SMYD4: variants seen among roughly 807,000 people sequenced by gnomAD.
SMYD4 encodes the protein protein-lysine N-methyltransferase SMYD4.
In SMYD4, 68 loss-of-function variants were observed where a neutral mutation model predicts 72.8. That is an observed-to-expected ratio of 0.93 (90% CI 0.77 to 1.14). The LOEUF is 1.14. Ranked by LOEUF, SMYD4 falls within the 50% of genes most tolerant of loss-of-function variation. The probability of loss-of-function intolerance (pLI) is 0.00; values close to 1 mark genes in which losing one functional copy is unlikely to be tolerated. For synonymous variants in SMYD4, 407 were observed against 388.6 expected (o/e 1.05, Z -0.56); for missense variants, 984 against 1,003.7 (o/e 0.98, Z 0.27).
In SMYD4 at chr17:1,800,142, A is replaced by G; in HGVS notation, c.1252T>C (p.Tyr418His). The change falls in exon 5 of 11, where the codon TAT becomes CAT. Residue 418 changes from tyrosine to histidine, a missense_variant. Physicochemically the swap from Tyr to His is moderately conservative, Grantham distance 83. Coordinates refer to ENST00000305513, the MANE Select transcript of SMYD4 (RefSeq NM_052928.3). ...AAGACAGCATTATAATTATTTTCAT[A>G]CTTCCCATTAATATCGCATCCAGGA... is the stretch of plus-strand genomic sequence containing the variant. ...PIPGCDINGKYENNYNAVFNL... is the reference protein window; with the variant it reads ...PIPGCDINGKHENNYNAVFNL... The G allele has an allele frequency of 6.2e-7, 1 of 1,610,702 alleles. No individual in the cohort carries two copies. Among genetic ancestry groups the G allele is most frequent in the Non-Finnish European group, 8.5e-7 (1 of 1,178,076 alleles).
In SMYD4 at chr17:1,787,459, C is replaced by T. The variant is rs1319276583; in HGVS notation, c.1683G>A (p.Gln561=). 6 of 1,562,978 alleles carry T rather than the reference C, an allele frequency of 3.8e-6. No homozygotes were observed. The highest frequency in any genetic ancestry group is 2.7e-5 in the African/African-American group (2 of 73,876). ...ISTVATIRAS[Q]RIRKGQEILH... ...GAATCTCTTGCCCCTTTCTAATCCG[C>T]TGTGACGCCCGGATGGTGGCGACAG... Residue 561 remains glutamine (Q), a synonymous_variant, in exon 6 of 11, where the codon CAG becomes CAA. Transcript: ENST00000305513.
chr17:1,798,853 TGCGCCACTGCACTCCA>T (rs1909545160), intron 5 of SMYD4, among the ~76,000 whole-genome samples: 1 of 151,338 alleles, frequency 6.6e-6, no homozygotes, highest in South Asian at 2.1e-4. Flanking sequence ...GAGCTGAGAT[TGCGCCACTGCACTCCA>T]GCCTGGGAAA....
chr17:1,812,804 C>T (rs945553304), intron 2 of SMYD4, among the ~76,000 whole-genome samples: 2 of 152,158 alleles, frequency 1.3e-5, no homozygotes, highest in Admixed American at 6.6e-5. Flanking sequence ...CTGCCTCACC[C>T]TCCCAAAGTG....
intron 2 of SMYD4, among the ~76,000 whole-genome samples, chr17:1,821,930 C>CAA (rs59561167): frequency 2.3e-5 from 3 of 131,664 alleles, no homozygotes; most frequent in African/African-American, 8.4e-5. Flanking sequence ...GATTCTGTCT[C>CAA]AAAAAAAAAA....
chr17:1,817,916 G>A (rs867205441), intron 2 of SMYD4, among the ~76,000 whole-genome samples: 3 of 151,886 alleles, frequency 2.0e-5, no homozygotes, highest in African/African-American at 4.8e-5. Flanking sequence ...GCGTGGTGGC[G>A]GGTGCCTGTA....
intron 5 of SMYD4, among the ~76,000 whole-genome samples, chr17:1,793,616 C>T (rs1480194912): frequency 1.3e-5 from 2 of 151,934 alleles, no homozygotes; most frequent in African/African-American, 4.8e-5. Context: ...AGCCCAGATT[C>T]AAGGAGAGGG....
chr17:1,801,026 T>C lies in SMYD4; in HGVS notation c.370-2A>G, dbSNP rs1909720283. The C allele has an allele frequency of 6.3e-7, 1 of 1,586,624 alleles. No homozygotes were observed. The highest frequency in any genetic ancestry group is 8.6e-7 in the Non-Finnish European group (1 of 1,161,144). On this transcript the variant is annotated splice_acceptor_variant, in intron 4 of 10. Coordinates refer to ENST00000305513, the MANE Select transcript of SMYD4 (RefSeq NM_052928.3). LOFTEE classifies it high-confidence loss of function. ...TCTGTTAATGTCTTTAAGACACGTC[T>C]GAAAACAGAAAGAAAATCCCACAAT...
At chr17:1,817,086 C>T (rs575879520) in intron 2 of SMYD4, among the ~76,000 whole-genome samples, 1 of 151,542 alleles carries the variant, frequency 6.6e-6, no homozygotes, top group East Asian at 1.9e-4. Flanking sequence ...ACTCTGTCGC[C>T]CAGGCAGAAG....
rs1394244018 is a variant in SMYD4 at position 1,794,053 on chromosome 17, G to GTATATATA, written c.1537+5803_1537+5804insTATATATA. The stretch of plus-strand genomic sequence containing the variant: ...TATATATATGTATGTATATATATAT[G>GTATATATA]TGTGTATATATATGTGTATATATAT... On this transcript the variant is annotated intron_variant, in intron 5 of 10. Transcript: ENST00000305513. Among the ~76,000 whole-genome samples the GTATATATA allele has an allele frequency of 3.9e-3, 182 of 47,018 alleles. 6 individuals are homozygous for GTATATATA. Among genetic ancestry groups the GTATATATA allele is most frequent in the African/African-American group, 0.012 (172 of 14,366 alleles). 30.8% of individuals were successfully genotyped at this position (47,018 alleles called of 152,430 possible). A position where few individuals can be genotyped will look rare whatever the true frequency, so the allele number is the denominator to read the frequency against.
rs1911445342 is a variant in SMYD4 at position 1,829,869 on chromosome 17, C to G, written c.-156G>C. 2.8e-6 allele frequency: 1 copy of G among 361,906 alleles called. No homozygotes were observed. Among genetic ancestry groups the G allele is most frequent in the Non-Finnish European group, 4.7e-6 (1 of 211,378 alleles). 22.4% of individuals were successfully genotyped at this position (361,906 alleles called of 1,614,324 possible). On this transcript the variant is annotated 5_prime_UTR_variant, in exon 1 of 11. Coordinates refer to ENST00000305513, the MANE Select transcript of SMYD4 (RefSeq NM_052928.3). ...CCGCTCCGCCCCGCACCGCGTCCGG[C>G]GTCCCGCGCCAGGCCTCGCTTGGGA...
chr17:1,826,491 C>CAAAAAAAAAAAAAAAAAAAAAAAA (rs111636314), intron 2 of SMYD4, among the ~76,000 whole-genome samples: 3 of 103,054 alleles, frequency 2.9e-5, no homozygotes, highest in Non-Finnish European at 4.0e-5. Flanking sequence ...AAACTCTGTC[C>CAAAAAAAAAAAAAAAAAAAAAAAA]AAAAAAAAAA....
chr17:1,807,703 A>G (rs1910117030), intron 3 of SMYD4, among the ~76,000 whole-genome samples: 1 of 152,144 alleles, frequency 6.6e-6, no homozygotes, highest in African/African-American at 2.4e-5. Flanking sequence ...TGACCTTTAA[A>G]TTATTACTGT....
chr17:1,806,951 G>A (rs1172637815), intron 3 of SMYD4, among the ~76,000 whole-genome samples: 1 of 150,326 alleles, frequency 6.7e-6, no homozygotes, highest in African/African-American at 2.4e-5. Context: ...AGTGCAGTGG[G>A]GTGATCTCAG....
Position 1,822,820 on chromosome 17 carries a change from T to C in SMYD4, c.134+5041A>G, listed in dbSNP as rs949113017. 2.6e-5 allele frequency among the ~76,000 whole-genome samples: 4 copies of C among 152,170 alleles called. No homozygotes were observed. The South Asian group carries it at 6.2e-4, about 24-fold the overall frequency. On this transcript the variant is annotated intron_variant, in intron 2 of 10. Coordinates refer to ENST00000305513, the MANE Select transcript of SMYD4 (RefSeq NM_052928.3). The stretch of plus-strand genomic sequence containing the variant: ...ACACCACCAATCACCAATTAGAGAA[T>C]GTAATTGGGGGGAAAAGCCTTATTC...
At chr17:1,784,236 C>G (rs1908527535) in intron 8 of SMYD4, 90 bp downstream of exon 8, 2 of 1,567,466 alleles carry the variant, frequency 1.3e-6, no homozygotes, top group African/African-American at 2.7e-5. Flanking sequence ...CCAATTCTCC[C>G]ATCAGTACTG....
At chr17:1,824,980 G>A (rs867932312) in intron 2 of SMYD4, among the ~76,000 whole-genome samples, 4 of 152,068 alleles carry the variant, frequency 2.6e-5, no homozygotes, top group African/African-American at 7.2e-5. Context: ...TCTCCTTCCT[G>A]CCACCCTGTG....
chr17:1,782,922 A>G (rs1226949159), intron 10 of SMYD4, 113 bp downstream of exon 10: 8 of 1,463,796 alleles, frequency 5.5e-6, no homozygotes, highest in Non-Finnish European at 6.4e-6. Context: ...TCTCCTAAAG[A>G]GGAAATAAAG....
rs866496775 is a variant in SMYD4, at chr17:1,801,091, T to C, written c.370-67A>G. 1.7e-5 allele frequency: 25 copies of C among 1,447,116 alleles called. No homozygotes were observed. The Middle Eastern group carries it at 7.8e-4, about 45-fold the overall frequency. The allele number at this position is 1,447,116 out of a possible 1,614,324, so 89.6% of individuals were successfully genotyped here. A position where few individuals can be genotyped will look rare whatever the true frequency, so the allele number is the denominator to read the frequency against. On this transcript the variant is annotated intron_variant, in intron 4 of 10. Coordinates refer to ENST00000305513, the MANE Select transcript of SMYD4 (RefSeq NM_052928.3). ...ATTCTTCAATGTTTACTGAAAATGT[T>C]TCCAAAAATCTACAGGAAAGTTAAG... is the stretch of plus-strand genomic sequence containing the variant.
At chr17:1,815,972 T>C (rs1328393292) in intron 2 of SMYD4, among the ~76,000 whole-genome samples, 3 of 152,186 alleles carry the variant, frequency 2.0e-5, no homozygotes, top group Non-Finnish European at 2.9e-5. Flanking sequence ...AGTGCTGGAA[T>C]GACAGGTGTG....
Sources: gnomAD v4.1 joint callset for allele counts (sites outside exome capture counted in the v4.1 genomes callset) on GRCh38, gnomAD v4.1.1 for gene constraint, MANE v1.5 for transcripts, NCBI Gene and HGNC (gene_info 2026-07-23, HGNC 2026-07-21) for gene names.